Variants in RBFOX1 observed in about 807,000 individuals in gnomAD.
The protein encoded by RBFOX1 is RNA binding protein fox-1 homolog 1.
Under a neutral mutation model 57.7 loss-of-function variants are expected in RBFOX1, and 8 were observed. The ratio of observed to expected loss-of-function variants is 0.14; its 90% CI spans 0.08 to 0.25. RBFOX1 has a LOEUF of 0.25. Among genes scored for constraint, RBFOX1 ranks in the 10% least tolerant of loss-of-function variants. The pLI is 1.00. For synonymous variants in RBFOX1, 326 were observed against 222.4 expected (o/e 1.47, Z -4.15); for missense variants, 611 against 548.5 (o/e 1.11, Z -1.14).
At chr16:7,222,317 G>T (rs1004113919) in intron 4 of RBFOX1, among the ~76,000 whole-genome samples, 8 of 152,212 alleles carry the variant, frequency 5.3e-5, no homozygotes, top group African/African-American at 1.9e-4. Context: ...CAGACCTAAT[G>T]TGCAAAGTCT....
intron 3 of RBFOX1, among the ~76,000 whole-genome samples, chr16:6,806,839 T>TATA (rs869129348): frequency 1.8e-5 from 2 of 109,782 alleles, no homozygotes; most frequent in African/African-American, 6.7e-5. Context: ...TATATATATT[T>TATA]TTTTTTTTTT....
chr16:5,858,059 G>T (rs148149636), intron 3 of RBFOX1, among the ~76,000 whole-genome samples: 239 of 152,320 alleles, frequency 1.6e-3, no homozygotes, highest in African/African-American at 5.3e-3. Context: ...TCAGTGGAAA[G>T]GAGGGTTTTT....
chr16:5,502,255 G>A (rs1014084938), intron 2 of RBFOX1, among the ~76,000 whole-genome samples: 4 of 152,132 alleles, frequency 2.6e-5, no homozygotes, highest in African/African-American at 4.8e-5. Flanking sequence ...TAGGAAGAAC[G>A]GCAGGGATGC....
chr16:6,529,490 C>T (rs1325505076), intron 2 of RBFOX1, among the ~76,000 whole-genome samples: 1 of 151,912 alleles, frequency 6.6e-6, no homozygotes, highest in Non-Finnish European at 1.5e-5. Flanking sequence ...ACCTAGCAGG[C>T]AGAGGTTGCA....
chr16:5,571,545 C>G (rs903653685), intron 2 of RBFOX1, among the ~76,000 whole-genome samples: 15 of 152,154 alleles, frequency 9.9e-5, no homozygotes, highest in African/African-American at 3.6e-4. Context: ...TACCATCAAA[C>G]AACAAACTGT....
intron 4 of RBFOX1, among the ~76,000 whole-genome samples, chr16:7,102,398 G>T (rs76090679): frequency 6.6e-6 from 1 of 152,114 alleles, no homozygotes. Context: ...TTAAATAGTC[G>T]CTTTCAAGCA....
intron 4 of RBFOX1, among the ~76,000 whole-genome samples, chr16:7,254,335 G>A (rs1462391334): frequency 6.6e-6 from 1 of 152,116 alleles, no homozygotes; most frequent in Non-Finnish European, 1.5e-5. Flanking sequence ...TCAGCAGGAA[G>A]ACCAACCCTG....
chr16:7,018,492 A>T (rs994478971), intron 3 of RBFOX1, among the ~76,000 whole-genome samples: 2 of 152,116 alleles, frequency 1.3e-5, no homozygotes, highest in East Asian at 1.9e-4. Flanking sequence ...GGACATTTGG[A>T]TTGGTTCCAT....
chr16:6,744,792 A>G (rs1490894198), intron 3 of RBFOX1, among the ~76,000 whole-genome samples: 1 of 152,128 alleles, frequency 6.6e-6, no homozygotes, highest in Non-Finnish European at 1.5e-5. Flanking sequence ...AAAAATAGAA[A>G]AAGAAGGTGA....
intron 2 of RBFOX1, among the ~76,000 whole-genome samples, chr16:6,570,895 A>G (rs1469962315): frequency 6.6e-6 from 1 of 152,172 alleles, no homozygotes; most frequent in Non-Finnish European, 1.5e-5. Flanking sequence ...AGGAAGAGAA[A>G]TTTGAAATCT....
chr16:6,257,516 T>C (rs2097675738), intron 1 of RBFOX1, among the ~76,000 whole-genome samples: 1 of 152,158 alleles, frequency 6.6e-6, no homozygotes, highest in South Asian at 2.1e-4. Flanking sequence ...GTTGATTTTG[T>C]TGCCCAGGTT....
intron 1 of RBFOX1, among the ~76,000 whole-genome samples, chr16:6,213,715 C>G (rs905275249): frequency 2.0e-5 from 3 of 152,298 alleles, no homozygotes; most frequent in South Asian, 4.1e-4. Flanking sequence ...AAGAGCAAAG[C>G]TGAGAACCAC....
chr16:7,396,244 A>G (rs1404829106), intron 4 of RBFOX1, among the ~76,000 whole-genome samples: 1 of 152,106 alleles, frequency 6.6e-6, no homozygotes, highest in Non-Finnish European at 1.5e-5. Context: ...ACAACTGTCT[A>G]CCTGTCTACA....
chr16:6,501,461 G>T (rs1485610397), intron 2 of RBFOX1, among the ~76,000 whole-genome samples: 1 of 151,792 alleles, frequency 6.6e-6, no homozygotes, highest in African/African-American at 2.4e-5. Flanking sequence ...CCCTACAAAG[G>T]ACATGAACTC....
chr16:6,937,183 C>G (rs879380223), intron 3 of RBFOX1, among the ~76,000 whole-genome samples: 1 of 151,950 alleles, frequency 6.6e-6, no homozygotes, highest in African/African-American at 2.4e-5. Context: ...AATTTTTATT[C>G]TGGAAAATTC....
intron 11 of RBFOX1, among the ~76,000 whole-genome samples, chr16:7,638,132 C>T (rs1386702136): frequency 1.3e-5 from 2 of 152,086 alleles, no homozygotes; most frequent in Non-Finnish European, 2.9e-5. Flanking sequence ...AGTTCTGCAA[C>T]GACAGTGAAC....
chr16:7,518,957 A>G (rs2076972387), intron 5 of RBFOX1, among the ~76,000 whole-genome samples: 1 of 152,156 alleles, frequency 6.6e-6, no homozygotes, highest in Admixed American at 6.5e-5. Context: ...CAGGAGTTTG[A>G]GGCTGCAGTG....
At chr16:6,748,306 C>G (rs186391360) in intron 3 of RBFOX1, among the ~76,000 whole-genome samples, 4 of 152,144 alleles carry the variant, frequency 2.6e-5, no homozygotes, top group African/African-American at 9.6e-5. Context: ...CAAATACATA[C>G]ACACACATAT....
intron 7 of RBFOX1, among the ~76,000 whole-genome samples, chr16:7,594,888 T>C (rs1457356145): frequency 6.6e-6 from 1 of 152,246 alleles, no homozygotes; most frequent in African/African-American, 2.4e-5. Flanking sequence ...GTATTATTAA[T>C]CAACTGAAGT....
Sources: allele counts gnomAD v4.1 joint callset (sites outside exome capture counted in the v4.1 genomes callset), GRCh38; gene constraint gnomAD v4.1.1; transcripts MANE v1.5; gene names NCBI Gene and HGNC (gene_info 2026-07-23, HGNC 2026-07-21).